The following DENND1B variants were observed in gnomAD, a reference collection of about 807,000 sequenced individuals.
DENND1B encodes DENN domain containing 1B.
In DENND1B, 59 loss-of-function variants were observed where a neutral mutation model predicts 90.1. That is an observed-to-expected ratio of 0.65 (90% confidence interval 0.53 to 0.81). DENND1B has a LOEUF of 0.81. DENND1B is among the 40% of genes least tolerant of loss of function. The pLI is 0.00. For synonymous variants in DENND1B, 337 were observed against 324.6 expected (o/e 1.04, Z -0.41); for missense variants, 862 against 912.6 (o/e 0.94, Z 0.71).
intron 2 of DENND1B, among the ~76,000 whole-genome samples, chr1:197,753,117 CA>C (rs1653792745): frequency 1.3e-5 from 2 of 151,868 alleles, no homozygotes; most frequent in Non-Finnish European, 2.9e-5. Flanking sequence ...GAACATAAAA[CA>C]AAATTAAAAG....
chr1:197,577,491 T>A (rs1360923361), intron 15 of DENND1B, among the ~76,000 whole-genome samples: 1 of 151,738 alleles, frequency 6.6e-6, no homozygotes, highest in Non-Finnish European at 1.5e-5. Flanking sequence ...GTAGGAGAGG[T>A]TTTGGGGGAA....
chr1:197,734,022 T>C, intron 2 of DENND1B: 1 of 848,786 alleles, frequency 1.2e-6, no homozygotes, highest in Non-Finnish European at 1.4e-6. Context: ...CAAGAAATTA[T>C]ATTTTATTTG....
intron 6 of DENND1B, among the ~76,000 whole-genome samples, chr1:197,655,480 A>G (rs1653710421): frequency 6.6e-6 from 1 of 152,168 alleles, no homozygotes; most frequent in East Asian, 1.9e-4. Context: ...AAAAGTCTCT[A>G]GAGAAGTACT....
chr1:197,595,116 G>T, intron 14 of DENND1B, 92 bp downstream of exon 14: 4 of 1,399,074 alleles, frequency 2.9e-6, no homozygotes, highest in Middle Eastern at 1.9e-4. Context: ...TTTTTTGAAG[G>T]TGTAATATTA....
rs564160960 is a variant in DENND1B, at chr1:197,560,671, G to A, written c.1150-7559C>T. On this transcript the variant is annotated intron_variant, in intron 15 of 22. Transcript: ENST00000620048. The stretch of plus-strand genomic sequence containing the variant: ...GCCTGTGGCAGGCTCCATGTATCAG[G>A]AGAAAATCCCATCAGCCATAATGAC... Among the ~76,000 whole-genome samples, 11 of 151,852 alleles carry A rather than the reference G, an allele frequency of 7.2e-5. No homozygotes were observed. The South Asian group carries it at 2.3e-3, about 31-fold the overall frequency.
At position 197,767,494 on chromosome 1, in the gene DENND1B, T is replaced by C. The variant is rs367581326; in HGVS notation, c.82+5374A>G. Among the ~76,000 whole-genome samples the C allele has an allele frequency of 1.4e-4, 21 of 152,004 alleles. No homozygotes were observed. In the East Asian group the frequency reaches 1.9e-3, roughly 14 times the overall value. On this transcript the variant is annotated intron_variant, in intron 2 of 22. Coordinates refer to ENST00000620048, the MANE Select transcript of DENND1B (RefSeq NM_001195215.2). Reference sequence around the variant, plus strand: ...TAACATAAGTTGCAGATAAGAAAAATTGATAATTTGAGACTGGGTTGGATA... The same window carrying C: ...TAACATAAGTTGCAGATAAGAAAAACTGATAATTTGAGACTGGGTTGGATA...
chr1:197,513,126 C>G (rs1346353922), intron 20 of DENND1B, among the ~76,000 whole-genome samples, 173 bp from the exon 21 acceptor site: 1 of 150,358 alleles, frequency 6.7e-6, no homozygotes, highest in African/African-American at 2.4e-5. Context: ...GAAAGGGAAG[C>G]AATAAGGTAT....
chr1:197,555,854 G>T (rs199903210), intron 15 of DENND1B, among the ~76,000 whole-genome samples: 2 of 152,048 alleles, frequency 1.3e-5, no homozygotes, highest in East Asian at 1.9e-4. Context: ...CCCATATTGG[G>T]TATATAGCCA....
intron 1 of DENND1B, 59 bp downstream of exon 1, chr1:197,775,080 G>C: frequency 8.6e-7 from 1 of 1,167,138 alleles, no homozygotes; most frequent in Non-Finnish European, 1.1e-6. Context: ...AGCCGAGCTG[G>C]CCTGGGAGGG....
chr1:197,648,839 T>C (rs1207026590), intron 7 of DENND1B, among the ~76,000 whole-genome samples: 2 of 152,246 alleles, frequency 1.3e-5, no homozygotes, highest in Non-Finnish European at 2.9e-5. Context: ...GCCTCTGCTC[T>C]GTGCTCTTCT....
At chr1:197,638,890 T>C (rs556773414) in intron 10 of DENND1B, among the ~76,000 whole-genome samples, 136 of 151,894 alleles carry the variant, frequency 9.0e-4, no homozygotes, top group African/African-American at 3.1e-3. Flanking sequence ...AAACTGATTA[T>C]ATCTCAATTC....
At chr1:197,567,432 A>G (rs1672772668) in intron 15 of DENND1B, among the ~76,000 whole-genome samples, 1 of 152,144 alleles carries the variant, frequency 6.6e-6, no homozygotes, top group Non-Finnish European at 1.5e-5. Flanking sequence ...AAAGAATACC[A>G]ATCCTCAAAC....
At position 197,595,313 on chromosome 1, in the gene DENND1B, T is replaced by C; in HGVS notation, c.942A>G (p.Lys314=). 1 of 1,612,972 alleles carries C rather than the reference T, an allele frequency of 6.2e-7. No individual in the cohort carries two copies. The highest frequency in any genetic ancestry group is 8.5e-7 in the Non-Finnish European group (1 of 1,179,236). The change falls in exon 14 of 23, where the codon AAA becomes AAG. Residue 314 remains lysine, a synonymous_variant. Coordinates refer to ENST00000620048, the MANE Select transcript of DENND1B (RefSeq NM_001195215.2). ...CCGTAGCTGTAGACTGCTTCTTCAG[T>C]TTATTTTTCAAGGCCGAGACCTGCA... is the stretch of plus-strand genomic sequence containing the variant. ...PSDVVSALKN[K]LKKQSTATGD... is the part of the protein sequence containing the mutation.
At chr1:197,670,443 C>CTGTGTGTGTGTGTGTGTGTGTGTGTGTG (rs60648023) in intron 5 of DENND1B, among the ~76,000 whole-genome samples, 49 of 99,562 alleles carry the variant, frequency 4.9e-4, no homozygotes, top group East Asian at 1.8e-3. Context: ...GGGGGGAAGA[C>CTGTGTGTGTGTGTGTGTGTGTGTGTGTG]TGTGTGTGTG....
At chr1:197,524,490 A>G (rs1054469720) in intron 20 of DENND1B, among the ~76,000 whole-genome samples, 27 of 152,178 alleles carry the variant, frequency 1.8e-4, no homozygotes, top group African/African-American at 5.5e-4. Context: ...CTTATACTAC[A>G]AAGCCTGGAA....
intron 2 of DENND1B, among the ~76,000 whole-genome samples, chr1:197,755,483 G>T (rs1366045924): frequency 6.6e-6 from 1 of 151,712 alleles, no homozygotes; most frequent in African/African-American, 2.4e-5. Flanking sequence ...AAAAAGATCG[G>T]ACTTTTAAAA....
At chr1:197,551,980 G>A (rs563116865) in intron 16 of DENND1B, among the ~76,000 whole-genome samples, 4 of 152,124 alleles carry the variant, frequency 2.6e-5, no homozygotes, top group East Asian at 3.9e-4. Context: ...ATAAAGGTCC[G>A]CAACTACTGA....
intron 2 of DENND1B, chr1:197,746,851 C>T: frequency 2.5e-6 from 4 of 1,612,000 alleles, no homozygotes; most frequent in South Asian, 1.1e-5. Flanking sequence ...TTTCAACCTC[C>T]TTTTTGGCTT....
At chr1:197,658,885 T>A (rs2125954415) in intron 5 of DENND1B, among the ~76,000 whole-genome samples, 1 of 151,064 alleles carries the variant, frequency 6.6e-6, no homozygotes, top group East Asian at 2.0e-4. Flanking sequence ...ATAAAAAATT[T>A]TAAATGACTT....
Sources: allele counts gnomAD v4.1 joint callset (sites outside exome capture counted in the v4.1 genomes callset), GRCh38; gene constraint gnomAD v4.1.1; transcripts MANE v1.5; gene names NCBI Gene and HGNC (gene_info 2026-07-23, HGNC 2026-07-21).